The following GLI3 variants were observed in gnomAD, a reference collection of about 807,000 sequenced individuals.
The protein encoded by GLI3 is transcription activator GLI3.
In GLI3, 20 loss-of-function variants were observed where a neutral mutation model predicts 100.8. The observed-to-expected ratio is 0.20, with a 90% CI of 0.14 to 0.29. GLI3 has a LOEUF of 0.29. Ranked by LOEUF, GLI3 falls within the 10% of genes least tolerant of loss-of-function variation. GLI3 has a pLI of 1.00. For missense variants in GLI3, 2,040 were observed against 2,128.5 expected, an observed-to-expected ratio of 0.96 and a Z score of 0.82; for synonymous variants, 938 against 860.5, an observed-to-expected ratio of 1.09 and a Z score of -1.58.
upstream of GLI3, among the ~76,000 whole-genome samples, chr7:42,240,936 A>G (rs1057039122): frequency 2.6e-5 from 4 of 152,172 alleles, no homozygotes; most frequent in Non-Finnish European, 4.4e-5. Context: ...CTCACTTACC[A>G]TGGCAGTTCT....
intron 10 of GLI3, among the ~76,000 whole-genome samples, chr7:41,997,603 G>T (rs945000847): frequency 6.6e-6 from 1 of 152,232 alleles, no homozygotes; most frequent in Admixed American, 6.5e-5. Flanking sequence ...GCTGGACGTT[G>T]TGTGTGTCCT....
intron 1 of GLI3, 55 bp from the exon 2 acceptor site, chr7:42,223,350 ACTTT>A: frequency 2.0e-6 from 2 of 1,005,660 alleles, no homozygotes; most frequent in Non-Finnish European, 3.0e-6. Flanking sequence ...AAAAAAAAAA[ACTTT>A]CAAAAGTCCA....
chr7:42,207,575 T>C (rs1583648160), intron 2 of GLI3, among the ~76,000 whole-genome samples: 1 of 152,156 alleles, frequency 6.6e-6, no homozygotes, highest in East Asian at 1.9e-4. Context: ...AGCACACAGT[T>C]TTTTTGGAAG....
At chr7:42,158,144 C>G (rs554002785) in intron 2 of GLI3, among the ~76,000 whole-genome samples, 1 of 152,320 alleles carries the variant, frequency 6.6e-6, no homozygotes, top group South Asian at 2.1e-4. Context: ...TCTGGAAAGG[C>G]ATAAATGGGA....
intron 10 of GLI3, among the ~76,000 whole-genome samples, chr7:42,020,062 C>T (rs1454558294): frequency 6.6e-6 from 1 of 151,982 alleles, no homozygotes. Context: ...CTAGAATAAA[C>T]ACATAATTGG....
chr7:42,235,559 A>C (rs1408213967), intron 1 of GLI3, among the ~76,000 whole-genome samples: 1 of 152,244 alleles, frequency 6.6e-6, no homozygotes. Context: ...TACAAAAATC[A>C]CATTTAAGAG....
In GLI3 at chr7:42,040,095, G is replaced by A; in HGVS notation, c.971C>T (p.Ser324Phe). Residue 324 changes from serine to phenylalanine, a missense_variant, in exon 7 of 15, where the codon TCC becomes TTC. Ser to Phe is a radical substitution (Grantham distance 155). Around this residue, in one of 5 missense-constraint regions of GLI3, gnomAD observed 603 missense variants for 690.9 expected, o/e 0.87. Transcript: ENST00000395925. ...GCCACTTGCTGAAGAGCTGCTACGG[G>A]AATTATTGAGAATCGTGACCAAGGA... ...PNSLVTILNN[S>F]RSSSSASGSY... 1 of 1,614,070 alleles carries A rather than the reference G, an allele frequency of 6.2e-7. No homozygotes were observed. The highest frequency in any genetic ancestry group is 8.5e-7 in the Non-Finnish European group (1 of 1,179,932).
chr7:42,183,603 A>T (rs1292153502), intron 2 of GLI3, among the ~76,000 whole-genome samples: 1 of 152,170 alleles, frequency 6.6e-6, no homozygotes, highest in East Asian at 1.9e-4. Flanking sequence ...CAGGTCACTG[A>T]AGGACCTGTG....
chr7:42,133,529 C>T (rs846378), intron 3 of GLI3, among the ~76,000 whole-genome samples: 3,005 of 152,036 alleles, frequency 0.02, 110 homozygotes, highest in African/African-American at 0.069. Context: ...ACTACATCAT[C>T]ACCCCACTGA....
chr7:42,172,490 G>T (rs770020257), intron 2 of GLI3: 24 of 685,452 alleles, frequency 3.5e-5, no homozygotes, highest in Non-Finnish European at 6.1e-5. Context: ...TGAATTAAAT[G>T]AATAAAGTGG....
chr7:42,084,898 A>ATTTTTTT (rs1373503796), intron 3 of GLI3, among the ~76,000 whole-genome samples: 4 of 91,894 alleles, frequency 4.4e-5, no homozygotes, highest in African/African-American at 1.4e-4. Flanking sequence ...ATGCATTTGG[A>ATTTTTTT]TTCTTTTTTT....
chr7:42,255,624 C>T (rs941433518), intron 1 of GLI3, among the ~76,000 whole-genome samples: 1 of 152,154 alleles, frequency 6.6e-6, no homozygotes, highest in African/African-American at 2.4e-5. Context: ...TTTTGTGGTG[C>T]ATTTATGTGT....
intron 3 of GLI3, among the ~76,000 whole-genome samples, chr7:42,134,205 G>T (rs1786369189): frequency 6.6e-6 from 1 of 152,122 alleles, no homozygotes; most frequent in African/African-American, 2.4e-5. Context: ...GACATCTCAA[G>T]TAGGCTATTT....
At chr7:42,000,737 A>G (rs1168131145) in intron 10 of GLI3, among the ~76,000 whole-genome samples, 1 of 152,154 alleles carries the variant, frequency 6.6e-6, no homozygotes, top group Admixed American at 6.5e-5. Context: ...GCAGGACAAA[A>G]CCCACAGTGG....
chr7:42,015,893 T>C (rs1055705446), intron 10 of GLI3, among the ~76,000 whole-genome samples: 1 of 152,182 alleles, frequency 6.6e-6, no homozygotes, highest in Non-Finnish European at 1.5e-5. Flanking sequence ...TTTTTTGTTT[T>C]TCTTACGTGT....
chr7:42,100,565 G>A (rs2877136), intron 3 of GLI3, among the ~76,000 whole-genome samples: 50,420 of 149,818 alleles, frequency 0.34, 8,818 homozygotes, highest in African/African-American at 0.43. Context: ...GTAAAACCCC[G>A]TCTCTACAAA....
At chr7:42,223,029 G>T in intron 2 of GLI3, 101 bp downstream of exon 2, 1 of 1,409,022 alleles carries the variant, frequency 7.1e-7, no homozygotes, top group South Asian at 1.2e-5. Context: ...GCGTCTCCTA[G>T]AACAAACACT....
intron 3 of GLI3, among the ~76,000 whole-genome samples, chr7:42,105,897 A>G (rs543538794): frequency 1.3e-4 from 20 of 152,260 alleles, no homozygotes; most frequent in African/African-American, 4.1e-4. Flanking sequence ...GTGTGAGGTC[A>G]CGCCCGAGGT....
chr7:42,112,241 T>G (rs1373435824), intron 3 of GLI3, among the ~76,000 whole-genome samples: 1 of 152,202 alleles, frequency 6.6e-6, no homozygotes, highest in Non-Finnish European at 1.5e-5. Context: ...CCACTGTTAT[T>G]ATAAGCAGGA....
Sources: allele counts gnomAD v4.1 joint callset (sites outside exome capture counted in the v4.1 genomes callset), GRCh38; gene constraint gnomAD v4.1.1; regional missense constraint gnomAD v4.1.1; transcripts MANE v1.5; gene names NCBI Gene and HGNC (gene_info 2026-07-23, HGNC 2026-07-21).